GRID2: variants seen among roughly 807,000 people sequenced by gnomAD.
GRID2 encodes the protein glutamate ionotropic receptor delta type subunit 2.
A neutral mutation model predicts 114.8 loss-of-function variants in GRID2; 33 were observed. The observed-to-expected ratio is 0.29, with a 90% CI of 0.22 to 0.38. GRID2 has a LOEUF of 0.38. GRID2 is among the 10% of genes least tolerant of loss of function. The pLI is 1.00. For missense variants in GRID2, 1,184 were observed against 1,257.7 expected, an observed-to-expected ratio of 0.94 and a Z score of 0.89; for synonymous variants, 505 against 449.9, an observed-to-expected ratio of 1.12 and a Z score of -1.55.
chr4:93,558,485 A>G (rs1385881686), intron 13 of GRID2, among the ~76,000 whole-genome samples: 1 of 152,246 alleles, frequency 6.6e-6, no homozygotes, highest in East Asian at 1.9e-4. Context: ...TAGAAAATCT[A>G]GAATAAATGG....
At chr4:92,664,615 C>G (rs2149271451) in intron 2 of GRID2, among the ~76,000 whole-genome samples, 1 of 151,136 alleles carries the variant, frequency 6.6e-6, no homozygotes, top group Admixed American at 6.6e-5. Flanking sequence ...TCTGGTTGTT[C>G]TCTTCATTAT....
At chr4:93,062,733 A>G (rs1187731662) in intron 2 of GRID2, among the ~76,000 whole-genome samples, 1 of 151,978 alleles carries the variant, frequency 6.6e-6, no homozygotes, top group African/African-American at 2.4e-5. Context: ...AGTCAATTCA[A>G]CATTTTTAAA....
At chr4:92,496,870 T>A (rs970662650) in intron 1 of GRID2, among the ~76,000 whole-genome samples, 1 of 150,972 alleles carries the variant, frequency 6.6e-6, no homozygotes, top group Non-Finnish European at 1.5e-5. Flanking sequence ...CCAGTGAAAT[T>A]AAAAAAAAAT....
chr4:93,250,221 C>T (rs1451641069), intron 8 of GRID2, among the ~76,000 whole-genome samples: 1 of 152,078 alleles, frequency 6.6e-6, no homozygotes, highest in African/African-American at 2.4e-5. Flanking sequence ...TGGAAACCAT[C>T]ATTCTAAGCA....
At chr4:92,736,216 A>C (rs1736591122) in intron 2 of GRID2, among the ~76,000 whole-genome samples, 1 of 152,064 alleles carries the variant, frequency 6.6e-6, no homozygotes, top group South Asian at 2.1e-4. Context: ...CAGATTTTGG[A>C]GTGATTTGAT....
At chr4:92,489,495 TTTAA>T (rs1723048388) in intron 1 of GRID2, among the ~76,000 whole-genome samples, 1 of 151,774 alleles carries the variant, frequency 6.6e-6, no homozygotes, top group Non-Finnish European at 1.5e-5. Flanking sequence ...ATGGTACAAG[TTTAA>T]TTGTCTTTGA....
At chr4:93,232,947 C>A (rs1465493870) in intron 7 of GRID2, among the ~76,000 whole-genome samples, 1 of 152,064 alleles carries the variant, frequency 6.6e-6, no homozygotes. Flanking sequence ...AAAATAATTA[C>A]AAGCATGATT....
intron 8 of GRID2, among the ~76,000 whole-genome samples, chr4:93,317,828 T>G (rs1756821778): frequency 6.6e-6 from 1 of 151,354 alleles, no homozygotes; most frequent in Non-Finnish European, 1.5e-5. Flanking sequence ...CTTTAAGTAG[T>G]GAAGAGAGGT....
chr4:93,526,205 G>A (rs567732793), intron 13 of GRID2, among the ~76,000 whole-genome samples: 1 of 152,104 alleles, frequency 6.6e-6, no homozygotes, highest in Non-Finnish European at 1.5e-5. Flanking sequence ...TTCTTGCCGA[G>A]CTAGTGGTTT....
At chr4:93,320,367 C>T (rs1045712638) in intron 8 of GRID2, among the ~76,000 whole-genome samples, 24 of 152,214 alleles carry the variant, frequency 1.6e-4, no homozygotes, top group African/African-American at 5.8e-4. Context: ...ATCTAAAATT[C>T]TGTGTCAATA....
At chr4:93,263,925 A>C (rs1750526578) in intron 8 of GRID2, among the ~76,000 whole-genome samples, 1 of 152,186 alleles carries the variant, frequency 6.6e-6, no homozygotes, top group Non-Finnish European at 1.5e-5. Flanking sequence ...AACTGAAAGC[A>C]GTTTCAAGTC....
At chr4:93,428,671 C>T (rs1769100432) in intron 10 of GRID2, among the ~76,000 whole-genome samples, 1 of 151,976 alleles carries the variant, frequency 6.6e-6, no homozygotes, top group South Asian at 2.1e-4. Context: ...ATAGTTCAAG[C>T]ATAAAATAAA....
chr4:92,877,946 C>A (rs1304145053), intron 2 of GRID2, among the ~76,000 whole-genome samples: 1 of 152,064 alleles, frequency 6.6e-6, no homozygotes, highest in Non-Finnish European at 1.5e-5. Flanking sequence ...AAAAGAAAAA[C>A]CGTCTGGTGT....
intron 1 of GRID2, among the ~76,000 whole-genome samples, chr4:92,464,893 A>C (rs1395159684): frequency 6.6e-6 from 1 of 152,114 alleles, no homozygotes; most frequent in East Asian, 1.9e-4. Context: ...AGGTGATTGG[A>C]TCACGGGGGC....
At position 93,201,136 on chromosome 4, in the gene GRID2, A is replaced by G. The variant is rs138419175; in HGVS notation, c.736-6268A>G. Among the ~76,000 whole-genome samples, 307 of 152,338 alleles carry G rather than the reference A, an allele frequency of 2.0e-3. 2 individuals carry two copies. The highest frequency in any genetic ancestry group is 6.7e-3 in the African/African-American group (280 of 41,582). On this transcript the variant is annotated intron_variant, in intron 4 of 15. Coordinates refer to ENST00000282020, the MANE Select transcript of GRID2 (RefSeq NM_001510.4). ...CAAGCACAAAGCTATATGTTCCATA[A>G]TATCAATCAGTGAAATAGTATATAT...
At chr4:93,042,657 TTCTATC>T (rs1183336783) in intron 2 of GRID2, among the ~76,000 whole-genome samples, 4 of 144,098 alleles carry the variant, frequency 2.8e-5, no homozygotes, top group Admixed American at 7.0e-5. Context: ...ATCTCTATAT[TTCTATC>T]TCTCTCTCTA....
Position 93,028,584 on chromosome 4 carries a change from C to CT in GRID2, c.245-56402dup, listed in dbSNP as rs554039196. Among the ~76,000 whole-genome samples, 161 of 151,426 alleles carry CT rather than the reference C, an allele frequency of 1.1e-3. 2 individuals carry two copies. In the South Asian group the frequency reaches 0.013, roughly 12 times the overall value. On this transcript the variant is annotated intron_variant, in intron 2 of 15. Coordinates refer to ENST00000282020, the MANE Select transcript of GRID2 (RefSeq NM_001510.4). ...ATGCAGAGCAAATCTAATTTGGAATCTTTTTTTTTATATATACGTACGACA... is the reference window on the plus strand; with the variant it reads ...ATGCAGAGCAAATCTAATTTGGAATCTTTTTTTTTTATATATACGTACGACA...
At chr4:92,548,602 C>T (rs1726404707) in intron 1 of GRID2, among the ~76,000 whole-genome samples, 1 of 151,406 alleles carries the variant, frequency 6.6e-6, no homozygotes, top group South Asian at 2.1e-4. Flanking sequence ...CCATGTTGGC[C>T]AGGCTGGTCT....
intron 2 of GRID2, among the ~76,000 whole-genome samples, chr4:92,620,882 T>C (rs1730238867): frequency 6.6e-6 from 1 of 150,830 alleles, no homozygotes; most frequent in East Asian, 2.0e-4. Context: ...ACATGACACA[T>C]GTATACATAT....
Sources: allele counts gnomAD v4.1 joint callset (sites outside exome capture counted in the v4.1 genomes callset), GRCh38; gene constraint gnomAD v4.1.1; transcripts MANE v1.5; gene names NCBI Gene and HGNC (gene_info 2026-07-23, HGNC 2026-07-21).